TNRC18: variants seen among roughly 807,000 people sequenced by gnomAD.
TNRC18 encodes trinucleotide repeat containing 18, also known as trinucleotide repeat-containing gene 18 protein.
TNRC18 carries 69 observed loss-of-function variants against 226.7 expected under a neutral mutation model. That is an observed-to-expected ratio of 0.30 (90% CI 0.25 to 0.37). The LOEUF (loss-of-function observed/expected upper bound fraction) is 0.37. Ranked by LOEUF, TNRC18 falls within the 10% of genes least tolerant of loss-of-function variation. The pLI, the probability that TNRC18 is intolerant of heterozygous loss-of-function variation, is 1.00. For missense variants in TNRC18, 4,754 were observed against 4,256.6 expected, an observed-to-expected ratio of 1.12 and a Z score of -3.25; for synonymous variants, 2,449 against 1,927.6, an observed-to-expected ratio of 1.27 and a Z score of -7.09.
chr7:5,376,093 G>A lies in TNRC18; in HGVS notation c.2740C>T (p.Leu914=). 4 of 1,594,546 alleles carry A rather than the reference G, an allele frequency of 2.5e-6. No homozygotes were observed. Among genetic ancestry groups the A allele is most frequent in the Non-Finnish European group, 3.4e-6 (4 of 1,171,844 alleles). ...TGGGCCGCCTGCTGCTGCAGGTACA[G>A]GAACTCCTGCTGCCGCAGGAAGTGC... ...QQHFLRQQEF[L]YLQQQAAQAL... Residue 914 remains leucine, a synonymous_variant, in exon 9 of 30, where the codon CTG becomes TTG. Transcript: ENST00000430969.
At chr7:5,321,581 G>A (rs1193961546) in intron 21 of TNRC18, among the ~76,000 whole-genome samples, 2 of 152,102 alleles carry the variant, frequency 1.3e-5, no homozygotes, top group Admixed American at 6.5e-5. Context: ...TCACAGCGAC[G>A]ATCCTCCATC....
intron 18 of TNRC18, among the ~76,000 whole-genome samples, chr7:5,344,078 C>T (rs145024218): frequency 1.4e-4 from 22 of 152,298 alleles, no homozygotes; most frequent in Non-Finnish European, 2.5e-4. Flanking sequence ...AGACAGTCAA[C>T]GCAGAATAAA....
rs570678754 is a variant in TNRC18 at position 5,378,950 on chromosome 7, C to T, written c.2153-926G>A. Among the ~76,000 whole-genome samples, 55 of 39,270 alleles carry T rather than the reference C, an allele frequency of 1.4e-3. 1 individual carries two copies. The highest frequency in any genetic ancestry group is 4.7e-3 in the African/African-American group (47 of 10,086). 25.8% of individuals were successfully genotyped at this position (39,270 alleles called of 152,430 possible). On this transcript the variant is annotated intron_variant, in intron 5 of 29. Transcript: ENST00000430969. The stretch of plus-strand genomic sequence containing the variant: ...CTGTAATCCCAGCACTTTGGGAGGC[C>T]GGGTGGGGGGGGCGGGGCGGATCAC...
chr7:5,321,259 T>C, intron 21 of TNRC18, 69 bp from the exon 22 acceptor site: 1 of 1,146,792 alleles, frequency 8.7e-7, no homozygotes. Flanking sequence ...CTCCTCCCGT[T>C]ACCCCCAAGT....
At chr7:5,366,744 G>A (rs982704619) in intron 11 of TNRC18, among the ~76,000 whole-genome samples, 5 of 152,148 alleles carry the variant, frequency 3.3e-5, no homozygotes, top group Non-Finnish European at 7.3e-5. Context: ...GAGGTCCTGC[G>A]AGACTTAAGA....
chr7:5,401,951 A>G (rs897798927), intron 2 of TNRC18, among the ~76,000 whole-genome samples: 8 of 151,940 alleles, frequency 5.3e-5, no homozygotes, highest in African/African-American at 7.3e-5. Flanking sequence ...CGAGGCGGGC[A>G]GCTCACAAGG....
chr7:5,396,378 C>A (rs1167031393), intron 2 of TNRC18, among the ~76,000 whole-genome samples: 1 of 151,858 alleles, frequency 6.6e-6, no homozygotes, highest in Non-Finnish European at 1.5e-5. Context: ...TAAATAATGA[C>A]AACAGGCCGG....
chr7:5,308,366 G>T (rs951386968), intron 29 of TNRC18, 54 bp from the exon 30 acceptor site: 1 of 1,515,826 alleles, frequency 6.6e-7, no homozygotes, highest in East Asian at 2.4e-5. Flanking sequence ...GAGGCCGAGG[G>T]AGCCCCAGGG....
intron 18 of TNRC18, among the ~76,000 whole-genome samples, chr7:5,338,879 C>T (rs1460230407): frequency 1.4e-5 from 2 of 145,542 alleles, no homozygotes; most frequent in African/African-American, 2.6e-5. Flanking sequence ...GAGATCATGC[C>T]GTTGCACTCC....
intron 18 of TNRC18, among the ~76,000 whole-genome samples, chr7:5,345,122 G>A (rs1475354516): frequency 6.6e-6 from 1 of 152,128 alleles, no homozygotes; most frequent in Non-Finnish European, 1.5e-5. Context: ...TGAATGAGAT[G>A]CGCTCTCTCT....
intron 5 of TNRC18, among the ~76,000 whole-genome samples, chr7:5,384,829 T>C (rs565893220): frequency 6.6e-6 from 1 of 152,344 alleles, no homozygotes; most frequent in Admixed American, 6.5e-5. Flanking sequence ...GGTCAGAGTG[T>C]AGCGGGGCTT....
At position 5,324,037 on chromosome 7, in the gene TNRC18, C is replaced by G. The variant is rs1008222285; in HGVS notation, c.6442+177G>C. ...CTTGCCTCATCTGCAGTTGACTAAG[C>G]TGCAGCCAGTCCAGCCTTCTCATCG... On this transcript the variant is annotated intron_variant, in intron 21 of 29. Transcript: ENST00000430969. The surrounding 1 kb of genome is among the most constrained non-coding windows in gnomAD (Gnocchi z 4.8). Among the ~76,000 whole-genome samples the G allele has an allele frequency of 6.6e-6, 1 of 152,216 alleles. No homozygotes were observed. Among genetic ancestry groups the G allele is most frequent in the African/African-American group, 2.4e-5 (1 of 41,464 alleles).
At chr7:5,398,162 A>C (rs1780826297) in intron 2 of TNRC18, among the ~76,000 whole-genome samples, 1 of 147,096 alleles carries the variant, frequency 6.8e-6, no homozygotes, top group South Asian at 2.1e-4. Context: ...CATCAGGCCC[A>C]GCAAAAAAAA....
At chr7:5,378,321 G>T (rs985391915) in intron 5 of TNRC18, among the ~76,000 whole-genome samples, 17 of 152,186 alleles carry the variant, frequency 1.1e-4, no homozygotes, top group African/African-American at 4.1e-4. Flanking sequence ...AACAGCCAGG[G>T]ATATTGTAAG....
At chr7:5,338,373 G>T (rs1251299679) in intron 18 of TNRC18, among the ~76,000 whole-genome samples, 1 of 152,128 alleles carries the variant, frequency 6.6e-6, no homozygotes, top group African/African-American at 2.4e-5. Flanking sequence ...CAAGAGAGCT[G>T]GCGTGGCTAT....
chr7:5,330,423 T>C (rs1455440311), intron 19 of TNRC18, among the ~76,000 whole-genome samples: 1 of 151,698 alleles, frequency 6.6e-6, no homozygotes, highest in Non-Finnish European at 1.5e-5. Context: ...GTTTTTTTTT[T>C]TTGGTAGAGG....
chr7:5,353,496 T>C (rs1365022369), intron 16 of TNRC18, among the ~76,000 whole-genome samples: 2 of 144,196 alleles, frequency 1.4e-5, no homozygotes, highest in Admixed American at 1.4e-4. Context: ...GAGGTGGAGG[T>C]TGCAGTGCGG....
Position 5,388,080 on chromosome 7 carries a change from C to A in TNRC18, c.1744G>T (p.Ala582Ser). The A allele has an allele frequency of 6.4e-7, 1 of 1,554,904 alleles. No individual in the cohort carries two copies. The change falls in exon 5 of 30, where the codon GCC becomes TCC. Residue 582 changes from alanine to serine, a missense_variant. Coordinates refer to ENST00000430969, the MANE Select transcript of TNRC18 (RefSeq NM_001080495.3). ...MHSAAHGSGE[A>S]SAMQSLIKYS... ...TTTATAAGGCTCTGCATGGCCGAGG[C>A]CTCTCCAGACCCGTGGGCCGCAGAG...
At chr7:5,374,522 A>G in intron 9 of TNRC18, 38 bp from the exon 10 acceptor site, 1 of 1,523,746 alleles carries the variant, frequency 6.6e-7, no homozygotes, top group East Asian at 2.6e-5. Context: ...GCACGGCACG[A>G]GTTTCCCCCT....
Sources: allele counts gnomAD v4.1 joint callset (sites outside exome capture counted in the v4.1 genomes callset), GRCh38; gene constraint gnomAD v4.1.1; non-coding constraint Gnocchi (gnomAD v3.1); transcripts MANE v1.5; gene names NCBI Gene and HGNC (gene_info 2026-07-23, HGNC 2026-07-21).